Variants in SLC25A21 observed in about 807,000 individuals in gnomAD.
SLC25A21 encodes solute carrier family 25 member 21.
In SLC25A21, 47 loss-of-function variants were observed where a neutral mutation model predicts 43.8. That is an observed-to-expected ratio of 1.07 (90% CI 0.85 to 1.37). The LOEUF is 1.37. Among genes scored for constraint, SLC25A21 ranks in the 40% most tolerant of loss-of-function variants. SLC25A21 has a pLI of 0.00. For synonymous variants in SLC25A21, 131 were observed against 121.3 expected, an observed-to-expected ratio of 1.08 and a Z score of -0.52; for missense variants, 352 against 350.2, an observed-to-expected ratio of 1.00 and a Z score of -0.04.
intron 3 of SLC25A21, among the ~76,000 whole-genome samples, chr14:36,790,245 C>G (rs886546483): frequency 1.3e-5 from 2 of 151,786 alleles, no homozygotes; most frequent in Non-Finnish European, 2.9e-5. Flanking sequence ...ATGATTAGCT[C>G]AAAGGAAATG....
intron 3 of SLC25A21, among the ~76,000 whole-genome samples, chr14:36,803,212 T>G (rs1447350887): frequency 1.3e-5 from 2 of 152,222 alleles, no homozygotes; most frequent in African/African-American, 4.8e-5. Flanking sequence ...AACAGGGTTG[T>G]AGACAGAGCC....
chr14:37,105,707 T>C (rs915341688), intron 1 of SLC25A21, among the ~76,000 whole-genome samples: 1 of 152,092 alleles, frequency 6.6e-6, no homozygotes, highest in African/African-American at 2.4e-5. Flanking sequence ...TCACTTATCA[T>C]AAAGAAAGAC....
In SLC25A21 at chr14:36,984,820, T is replaced by G. The variant is rs112216356; in HGVS notation, c.71-109816A>C. On this transcript the variant is annotated intron_variant, in intron 1 of 9. Coordinates refer to ENST00000331299, the MANE Select transcript of SLC25A21 (RefSeq NM_030631.4). ...TATCCATTTGACCCAGCCATCCCAT[T>G]ACTGGGTATATGCCCAAAGGACTAT... 4.9e-3 allele frequency among the ~76,000 whole-genome samples: 749 copies of G among 152,194 alleles called. 4 individuals carry two copies. The highest frequency in any genetic ancestry group is 0.017 in the African/African-American group (706 of 41,508).
chr14:36,679,365 A>ATGT lies in SLC25A21; in HGVS notation c.*1290_*1292dup, dbSNP rs1882083163. The ATGT allele has an allele frequency of 4.1e-6, 4 of 975,474 alleles. No homozygotes were observed. The highest frequency in any genetic ancestry group is 6.2e-5 in the Admixed American group (1 of 16,246). The allele number at this position is 975,474 out of a possible 1,614,324, so 60.4% of individuals were successfully genotyped here. Reference sequence around the variant, plus strand: ...AAATTAATAAAAAGTAATAATTACCATGTTATCTTTTACTTTTTATTTTCA... The same window carrying ATGT: ...AAATTAATAAAAAGTAATAATTACCATGTTGTTATCTTTTACTTTTTATTTTCA... On this transcript the variant is annotated 3_prime_UTR_variant, in exon 10 of 10. Coordinates refer to ENST00000331299, the MANE Select transcript of SLC25A21 (RefSeq NM_030631.4).
intron 1 of SLC25A21, among the ~76,000 whole-genome samples, chr14:36,944,412 GA>G (rs1336684078): frequency 1.3e-5 from 2 of 152,128 alleles, no homozygotes; most frequent in African/African-American, 2.4e-5. Flanking sequence ...GGGTATCAAG[GA>G]AGGCTTTCTG....
At chr14:36,946,558 T>C (rs1170438084) in intron 1 of SLC25A21, among the ~76,000 whole-genome samples, 1 of 152,176 alleles carries the variant, frequency 6.6e-6, no homozygotes, top group African/African-American at 2.4e-5. Flanking sequence ...TAAACTTCTA[T>C]TTTGCCTGCC....
rs774202635 is a variant in SLC25A21, at chr14:36,875,021, A to AG, written c.71-18_71-17insC. On this transcript the variant is annotated splice_polypyrimidine_tract_variant and intron_variant, in intron 1 of 9. Transcript: ENST00000331299. ...CTACAAGACCTGAAAGATGATAAAG[A>AG]AAATCCAATAAACACTTATGTAAAC... is the stretch of plus-strand genomic sequence containing the variant. 231 of 1,485,504 alleles carry AG rather than the reference A, an allele frequency of 1.6e-4. No individual in the cohort carries two copies. The highest frequency in any genetic ancestry group is 2.0e-4 in the Non-Finnish European group (222 of 1,109,936). 92.0% of individuals were successfully genotyped at this position (1,485,504 alleles called of 1,614,324 possible). A position where few individuals can be genotyped will look rare whatever the true frequency, so the allele number is the denominator to read the frequency against.
chr14:37,067,343 C>A (rs1025772388), intron 1 of SLC25A21, among the ~76,000 whole-genome samples: 8 of 152,098 alleles, frequency 5.3e-5, no homozygotes, highest in African/African-American at 1.9e-4. Context: ...ATCAGTTTGA[C>A]AGCTGACTTC....
chr14:37,083,679 T>C (rs903211725), intron 1 of SLC25A21, among the ~76,000 whole-genome samples: 2 of 152,184 alleles, frequency 1.3e-5, no homozygotes, highest in African/African-American at 2.4e-5. Flanking sequence ...CTGGTCTCCA[T>C]AGACTGGAAG....
intron 1 of SLC25A21, among the ~76,000 whole-genome samples, chr14:37,041,013 G>A (rs1029901249): frequency 1.3e-5 from 2 of 152,122 alleles, no homozygotes; most frequent in East Asian, 3.9e-4. Flanking sequence ...CTGTGCAGGA[G>A]TTTAGAGATA....
intron 1 of SLC25A21, among the ~76,000 whole-genome samples, chr14:37,015,168 T>C (rs550892770): frequency 6.6e-5 from 10 of 151,124 alleles, no homozygotes; most frequent in Admixed American, 4.6e-4. Context: ...ATTAGGTATA[T>C]CTCCTAACGC....
intron 7 of SLC25A21, among the ~76,000 whole-genome samples, chr14:36,702,259 G>A (rs1160956218): frequency 3.3e-5 from 5 of 151,932 alleles, no homozygotes; most frequent in African/African-American, 4.8e-5. Context: ...TCACATTCCT[G>A]TTCTTTCTGC....
intron 1 of SLC25A21, among the ~76,000 whole-genome samples, chr14:37,167,734 G>C (rs1964053742): frequency 6.6e-6 from 1 of 152,038 alleles, no homozygotes; most frequent in Non-Finnish European, 1.5e-5. Context: ...ATATTTTGCA[G>C]ACCCTGCGTT....
rs190403625 is a variant in SLC25A21 at position 37,014,508 on chromosome 14, G to A, written c.71-139504C>T. ...AATTCACCCTCCACTTCTAATTCTCGTTCTCTTGCTATTTCTACCAAATCT... is the reference window on the plus strand; with the variant it reads ...AATTCACCCTCCACTTCTAATTCTCATTCTCTTGCTATTTCTACCAAATCT... On this transcript the variant is annotated intron_variant, in intron 1 of 9. Coordinates refer to ENST00000331299, the MANE Select transcript of SLC25A21 (RefSeq NM_030631.4). 2.3e-3 allele frequency among the ~76,000 whole-genome samples: 352 copies of A among 152,024 alleles called. 2 individuals are homozygous for A. Among genetic ancestry groups the A allele is most frequent in the African/African-American group, 6.8e-3 (282 of 41,486 alleles).
At chr14:37,147,881 G>T (rs1178045657) in intron 1 of SLC25A21, among the ~76,000 whole-genome samples, 1 of 119,684 alleles carries the variant, frequency 8.4e-6, no homozygotes, top group Non-Finnish European at 1.6e-5. Context: ...CAACTCTGTA[G>T]CCCAGGCTGG....
At chr14:36,710,116 G>A (rs1883772696) in intron 7 of SLC25A21, among the ~76,000 whole-genome samples, 2 of 152,134 alleles carry the variant, frequency 1.3e-5, no homozygotes, top group South Asian at 2.1e-4. Flanking sequence ...TGGGCGTGGT[G>A]GCTCATGCCT....
chr14:37,137,219 A>G lies in SLC25A21; in HGVS notation c.70+35062T>C, dbSNP rs191957649. On this transcript the variant is annotated intron_variant, in intron 1 of 9. Coordinates refer to ENST00000331299, the MANE Select transcript of SLC25A21 (RefSeq NM_030631.4). ...TCACCGCATTAGCCAGGGTGGTCTC[A>G]ATCTCCTGACCTCGTGATCCGCCCG... Among the ~76,000 whole-genome samples the G allele has an allele frequency of 1.8e-3, 269 of 152,106 alleles. 1 individual carries two copies. Among genetic ancestry groups the G allele is most frequent in the Admixed American group, 3.8e-3 (58 of 15,282 alleles).
chr14:37,080,360 AAGCTGGCAGATTGCTT>A (rs1264925142), intron 1 of SLC25A21, among the ~76,000 whole-genome samples: 3 of 152,194 alleles, frequency 2.0e-5, no homozygotes, highest in Non-Finnish European at 4.4e-5. Context: ...AGGGAGGCTG[AAGCTGGCAGATTGCTT>A]GACCTCAGGA....
At chr14:36,839,072 G>T (rs1464751692) in intron 2 of SLC25A21, among the ~76,000 whole-genome samples, 1 of 152,080 alleles carries the variant, frequency 6.6e-6, no homozygotes, top group East Asian at 1.9e-4. Context: ...TTCTTTTAAA[G>T]GAGTCACTGG....
Sources: allele counts gnomAD v4.1 joint callset (sites outside exome capture counted in the v4.1 genomes callset), GRCh38; gene constraint gnomAD v4.1.1; transcripts MANE v1.5; gene names NCBI Gene and HGNC (gene_info 2026-07-23, HGNC 2026-07-21).